The following ZFR variants were observed in gnomAD, a reference collection of about 807,000 sequenced individuals.
The protein encoded by ZFR is zinc finger RNA-binding protein.
A neutral mutation model predicts 130.7 loss-of-function variants in ZFR; 19 were observed. The observed-to-expected ratio is 0.15, with a 90% CI of 0.10 to 0.21. The LOEUF (loss-of-function observed/expected upper bound fraction) is 0.21. Ranked by LOEUF, ZFR falls within the 10% of genes least tolerant of loss-of-function variation. The pLI is 1.00. For synonymous variants in ZFR, 466 were observed against 456.9 expected, an observed-to-expected ratio of 1.02 and a Z score of -0.25; for missense variants, 872 against 1,321.5, an observed-to-expected ratio of 0.66 and a Z score of 5.27.
intron 19 of ZFR, among the ~76,000 whole-genome samples, chr5:32,357,187 T>C (rs1752334329): frequency 6.6e-6 from 1 of 152,208 alleles, no homozygotes; most frequent in African/African-American, 2.4e-5. Flanking sequence ...ATTTTCGCCA[T>C]GTTGCCCAGG....
At chr5:32,357,361 G>A (rs775781042) in intron 19 of ZFR, among the ~76,000 whole-genome samples, 1 of 152,144 alleles carries the variant, frequency 6.6e-6, no homozygotes, top group Non-Finnish European at 1.5e-5. Flanking sequence ...CGCCTCTAGG[G>A]TTCAAGTGAT....
chr5:32,407,046 A>G, intron 5 of ZFR, 25 bp from the exon 6 acceptor site: 1 of 1,442,346 alleles, frequency 6.9e-7, no homozygotes, highest in Non-Finnish European at 9.1e-7. Flanking sequence ...TCAAACAAAA[A>G]TTATGTTACA....
At chr5:32,356,612 G>A (rs561835024) in intron 19 of ZFR, among the ~76,000 whole-genome samples, 1 of 151,970 alleles carries the variant, frequency 6.6e-6, no homozygotes, top group African/African-American at 2.4e-5. Flanking sequence ...GTAGAGACGG[G>A]GTTTCACTGT....
intron 9 of ZFR, among the ~76,000 whole-genome samples, chr5:32,399,117 A>T (rs1020596354): frequency 6.6e-6 from 1 of 151,986 alleles, no homozygotes; most frequent in African/African-American, 2.4e-5. Context: ...ACTAAAAAAA[A>T]TACAAAAATC....
chr5:32,417,384 T>C (rs1285116172), intron 4 of ZFR, among the ~76,000 whole-genome samples: 1 of 152,166 alleles, frequency 6.6e-6, no homozygotes, highest in African/African-American at 2.4e-5. Context: ...TGTTCAGAAG[T>C]TATCATCACA....
At position 32,372,890 on chromosome 5, in the gene ZFR, T is replaced by TA. The variant is rs1287569172; in HGVS notation, c.2835+6224dup. Among the ~76,000 whole-genome samples, 5 of 151,958 alleles carry TA rather than the reference T, an allele frequency of 3.3e-5. No individual in the cohort carries two copies. In the South Asian group the frequency reaches 1.0e-3, roughly 32 times the overall value. ...AACAAAATGACTGAAGTTAAAAAAT[T>TA]AAGAGGTATACATTATACCTTGTTG... On this transcript the variant is annotated intron_variant, in intron 17 of 19. Coordinates refer to ENST00000265069, the MANE Select transcript of ZFR (RefSeq NM_016107.5).
rs536812571 is a variant in ZFR, at chr5:32,397,445, A to T, written c.1714-107T>A. 49 of 1,388,198 alleles carry T rather than the reference A, an allele frequency of 3.5e-5. No homozygotes were observed. In the East Asian group the frequency reaches 1.1e-3, roughly 31 times the overall value. The allele number at this position is 1,388,198 out of a possible 1,614,324, so 86.0% of individuals were successfully genotyped here. A position where few individuals can be genotyped will look rare whatever the true frequency, so the allele number is the denominator to read the frequency against. ...TTGTACACAGTTAGAAAGAAGTGGC[A>T]ATGTCTATTACATTTTTTTTTTCCC... On this transcript the variant is annotated intron_variant, in intron 9 of 19. Coordinates refer to ENST00000265069, the MANE Select transcript of ZFR (RefSeq NM_016107.5).
intron 14 of ZFR, among the ~76,000 whole-genome samples, chr5:32,386,100 C>T (rs1453377783): frequency 6.6e-6 from 1 of 152,028 alleles, no homozygotes; most frequent in Non-Finnish European, 1.5e-5. Flanking sequence ...CCAGGATTTG[C>T]TGTAATTTGG....
rs1226276757 is a variant in ZFR, at chr5:32,397,348, G to C, written c.1714-10C>G. 1.3e-6 allele frequency: 2 copies of C among 1,599,064 alleles called. No homozygotes were observed. Among genetic ancestry groups the C allele is most frequent in the Non-Finnish European group, 8.5e-7 (1 of 1,175,390 alleles). ...CTTCATCATTTCGTACCTTGGTGTGGAAAAAAAATTCAAGAATCATCATAG... is the reference window on the plus strand; with the variant it reads ...CTTCATCATTTCGTACCTTGGTGTGCAAAAAAAATTCAAGAATCATCATAG... On this transcript the variant is annotated splice_polypyrimidine_tract_variant and intron_variant, in intron 9 of 19. Coordinates refer to ENST00000265069, the MANE Select transcript of ZFR (RefSeq NM_016107.5).
chr5:32,442,480 TTGTC>T (rs1277044861), intron 2 of ZFR, among the ~76,000 whole-genome samples: 4 of 152,368 alleles, frequency 2.6e-5, no homozygotes, highest in Non-Finnish European at 2.9e-5. Flanking sequence ...GAAACTTTTT[TTGTC>T]TAATTATCAA....
intron 17 of ZFR, among the ~76,000 whole-genome samples, chr5:32,378,414 TA>T (rs968086599): frequency 6.6e-5 from 10 of 151,186 alleles, no homozygotes; most frequent in African/African-American, 1.7e-4. Context: ...TAAAAAAGAT[TA>T]AAAAAAAAGA....
At chr5:32,427,707 T>A (rs1203430208) in intron 2 of ZFR, among the ~76,000 whole-genome samples, 3 of 152,086 alleles carry the variant, frequency 2.0e-5, no homozygotes, top group African/African-American at 7.2e-5. Flanking sequence ...TAGAACAAAG[T>A]TGGAAGTCTC....
intron 5 of ZFR, among the ~76,000 whole-genome samples, chr5:32,408,333 A>AAAAAAAAAAC (rs1753624270): frequency 7.1e-6 from 1 of 140,164 alleles, no homozygotes; most frequent in Non-Finnish European, 1.5e-5. Context: ...AAAAAAAAAA[A>AAAAAAAAAAC]AAAACTAGAA....
chr5:32,417,523 A>G lies in ZFR; in HGVS notation c.565+125T>C, dbSNP rs1038523015. The G allele has an allele frequency of 8.3e-6, 10 of 1,210,854 alleles. No homozygotes were observed. The African/African-American group carries it at 1.1e-4, about 13-fold the overall frequency. 75.0% of individuals were successfully genotyped at this position (1,210,854 alleles called of 1,614,324 possible). On this transcript the variant is annotated intron_variant, in intron 4 of 19. Transcript: ENST00000265069. ...CCAAGGCATTTAGTAGGACAGGTCT[A>G]GAACCTGCCTCCTAAGATGATGTGA...
intron 17 of ZFR, chr5:32,364,783 C>T (rs1361951743): frequency 6.6e-6 from 1 of 152,112 alleles, no homozygotes; most frequent in East Asian, 1.9e-4. Flanking sequence ...AAACCCAATG[C>T]AGGGAGTGGT....
intron 17 of ZFR, among the ~76,000 whole-genome samples, chr5:32,366,103 C>G (rs559548991): frequency 6.6e-6 from 1 of 152,112 alleles, no homozygotes; most frequent in South Asian, 2.1e-4. Context: ...GTACAAGTAG[C>G]CAGAATTTTG....
chr5:32,441,724 C>T (rs1004305671), intron 2 of ZFR, among the ~76,000 whole-genome samples: 7 of 152,182 alleles, frequency 4.6e-5, no homozygotes, highest in African/African-American at 1.7e-4. Flanking sequence ...TAATGTTATT[C>T]ATTCATCTTC....
chr5:32,426,961 C>T (rs1754088288), intron 2 of ZFR, among the ~76,000 whole-genome samples: 1 of 146,074 alleles, frequency 6.8e-6, no homozygotes, highest in African/African-American at 2.5e-5. Flanking sequence ...TCACAGATGA[C>T]ATCATTTTAT....
intron 2 of ZFR, among the ~76,000 whole-genome samples, chr5:32,431,742 A>T (rs1351527141): frequency 6.6e-6 from 1 of 150,822 alleles, no homozygotes; most frequent in Non-Finnish European, 1.5e-5. Flanking sequence ...CTGACATTTA[A>T]ATGTCTTTAA....
Sources: gnomAD v4.1 joint callset for allele counts (sites outside exome capture counted in the v4.1 genomes callset) on GRCh38, gnomAD v4.1.1 for gene constraint, MANE v1.5 for transcripts, NCBI Gene and HGNC (gene_info 2026-07-23, HGNC 2026-07-21) for gene names.